STK3: variants seen among roughly 807,000 people sequenced by gnomAD.
STK3 encodes the protein serine/threonine-protein kinase 3.
Under a neutral mutation model 58.0 loss-of-function variants are expected in STK3, and 41 were observed. That is an observed-to-expected ratio of 0.71 (90% confidence interval 0.55 to 0.92). The LOEUF (loss-of-function observed/expected upper bound fraction) is 0.92, where lower values mean the gene tolerates loss of function less well. Among genes scored for constraint, STK3 ranks in the 40% least tolerant of loss-of-function variants. The pLI is 0.00. For missense variants in STK3, 479 were observed against 602.7 expected (o/e 0.79, Z 2.15); for synonymous variants, 170 against 191.0 (o/e 0.89, Z 0.91).
At chr8:98,743,950 C>T (rs1014397403) in intron 4 of STK3, among the ~76,000 whole-genome samples, 3 of 152,188 alleles carry the variant, frequency 2.0e-5, no homozygotes, top group African/African-American at 7.2e-5. Flanking sequence ...CAAAAGAAGA[C>T]ATTTATGCAG....
chr8:98,915,411 G>A (rs1342838539), intron 1 of STK3, among the ~76,000 whole-genome samples: 1 of 131,918 alleles, frequency 7.6e-6, no homozygotes, highest in Non-Finnish European at 1.5e-5. Context: ...GATCATGTGA[G>A]TTAATACTTA....
chr8:98,788,805 A>C (rs1426287314), intron 1 of STK3, among the ~76,000 whole-genome samples: 1 of 152,204 alleles, frequency 6.6e-6, no homozygotes, highest in Non-Finnish European at 1.5e-5. Context: ...GACAGCAACT[A>C]TAATAGTGGG....
intron 10 of STK3, among the ~76,000 whole-genome samples, chr8:98,501,737 G>A (rs1374293968): frequency 2.0e-5 from 3 of 152,182 alleles, no homozygotes; most frequent in African/African-American, 7.2e-5. Context: ...TTATTTCTGA[G>A]GCCTCTGTTC....
At chr8:98,551,083 T>C (rs560191623) in intron 8 of STK3, among the ~76,000 whole-genome samples, 45 of 152,300 alleles carry the variant, frequency 3.0e-4, no homozygotes, top group South Asian at 1.0e-3. Flanking sequence ...CATATGATGC[T>C]ATGTTCATTA....
chr8:98,562,513 G>T (rs571244034), intron 8 of STK3, among the ~76,000 whole-genome samples: 2 of 152,010 alleles, frequency 1.3e-5, no homozygotes, highest in Admixed American at 1.3e-4. Flanking sequence ...GGGGTTGGGG[G>T]AGAGTTGATT....
intron 6 of STK3, among the ~76,000 whole-genome samples, chr8:98,602,850 A>G (rs1939647502): frequency 6.7e-6 from 1 of 149,556 alleles, no homozygotes; most frequent in South Asian, 2.1e-4. Context: ...AATCAGTAAG[A>G]AGCACATCAA....
At chr8:98,639,226 C>T (rs1819839738) in intron 6 of STK3, among the ~76,000 whole-genome samples, 1 of 151,936 alleles carries the variant, frequency 6.6e-6, no homozygotes, top group African/African-American at 2.4e-5. Context: ...CCTCTCACCT[C>T]AGGTTCCTGA....
chr8:98,705,510 A>C (rs755490621), intron 6 of STK3, among the ~76,000 whole-genome samples: 11 of 152,272 alleles, frequency 7.2e-5, no homozygotes, highest in East Asian at 3.8e-4. Context: ...ATATTATCGA[A>C]ATTTAACCCA....
chr8:98,749,267 A>C lies in STK3; in HGVS notation c.351+9T>G, dbSNP rs758861792. On this transcript the variant is annotated intron_variant, in intron 4 of 10. Coordinates refer to ENST00000419617, the MANE Select transcript of STK3 (RefSeq NM_006281.4). ...AATGATATTAGCAAAACAATTTTAA[A>C]ATACTTACTGTCTTGTTTCGTAATC... 2 of 1,570,930 alleles carry C rather than the reference A, an allele frequency of 1.3e-6. No homozygotes were observed. The highest frequency in any genetic ancestry group is 2.3e-5 in the South Asian group (2 of 87,146).
chr8:98,381,349 T>C (rs57428338), intron 1 of STK3, among the ~76,000 whole-genome samples: 6,614 of 152,294 alleles, frequency 0.043, 467 homozygotes, highest in African/African-American at 0.15. Context: ...ATTTCCACCC[T>C]GTGATGGGGC....
intron 6 of STK3, among the ~76,000 whole-genome samples, chr8:98,625,782 G>A (rs1196333167): frequency 1.3e-5 from 2 of 152,172 alleles, no homozygotes; most frequent in African/African-American, 4.8e-5. Context: ...AAAAAGAAGT[G>A]TTTGTCGTAA....
chr8:98,419,403 C>T (rs1202224432), intron 3 of STK3, among the ~76,000 whole-genome samples: 4 of 152,080 alleles, frequency 2.6e-5, no homozygotes, highest in Admixed American at 2.0e-4. Context: ...TCCCTCACTA[C>T]ATTCTTCTGC....
chr8:98,473,893 A>C (rs1821110139), intron 10 of STK3, among the ~76,000 whole-genome samples: 1 of 152,164 alleles, frequency 6.6e-6, no homozygotes, highest in Non-Finnish European at 1.5e-5. Context: ...TGGGCTTTAA[A>C]TACCATCTAT....
intron 8 of STK3, among the ~76,000 whole-genome samples, chr8:98,549,300 C>T (rs920975522): frequency 7.2e-5 from 11 of 152,154 alleles, no homozygotes; most frequent in African/African-American, 2.7e-4. Flanking sequence ...AATAGCCATC[C>T]TAATGAACAT....
chr8:98,534,519 C>T (rs545123858), intron 9 of STK3, among the ~76,000 whole-genome samples: 76 of 152,188 alleles, frequency 5.0e-4, no homozygotes, highest in African/African-American at 1.7e-3. Flanking sequence ...AATATTTCAA[C>T]GATCAATAAA....
chr8:98,669,031 C>G (rs1221368471), intron 6 of STK3, among the ~76,000 whole-genome samples: 1 of 125,604 alleles, frequency 8.0e-6, no homozygotes, highest in Non-Finnish European at 1.6e-5. Context: ...TGCTCTCGCT[C>G]TGTTGCCCAG....
At chr8:98,547,830 TC>T (rs1489060711) in intron 9 of STK3, 138 bp downstream of exon 9, 6 of 656,754 alleles carry the variant, frequency 9.1e-6, no homozygotes, top group Non-Finnish European at 1.3e-5. Context: ...TGTGCCATAC[TC>T]TTTTTTACTG....
At chr8:98,697,026 A>T (rs2130995993) in intron 6 of STK3, among the ~76,000 whole-genome samples, 1 of 152,282 alleles carries the variant, frequency 6.6e-6, no homozygotes, top group Non-Finnish European at 1.5e-5. Context: ...CTATTGCCAC[A>T]ATTTCAGAGC....
intron 1 of STK3, among the ~76,000 whole-genome samples, chr8:98,384,323 T>G (rs1353502083): frequency 6.6e-6 from 1 of 152,238 alleles, no homozygotes; most frequent in East Asian, 1.9e-4. Flanking sequence ...CAATAGGGGC[T>G]CTTGAGCTGC....
Sources: gnomAD v4.1 joint callset for allele counts (sites outside exome capture counted in the v4.1 genomes callset) on GRCh38, gnomAD v4.1.1 for gene constraint, MANE v1.5 for transcripts, NCBI Gene and HGNC (gene_info 2026-07-23, HGNC 2026-07-21) for gene names.